Variants in THSD7A observed in about 807,000 individuals in gnomAD.
THSD7A encodes the protein thrombospondin type 1 domain containing 7A, also known as thrombospondin type-1 domain-containing protein 7A.
Under a neutral mutation model 231.3 loss-of-function variants are expected in THSD7A, and 96 were observed. The observed-to-expected ratio is 0.41, with a 90% CI of 0.35 to 0.49. THSD7A has a LOEUF of 0.49. Among genes scored for constraint, THSD7A ranks in the 20% least tolerant of loss-of-function variants. The probability of loss-of-function intolerance (pLI) is 0.05; values close to 1 mark genes in which losing one functional copy is unlikely to be tolerated. For missense variants in THSD7A, 2,290 were observed against 2,070.2 expected (o/e 1.11, Z -2.06); for synonymous variants, 940 against 743.3 (o/e 1.26, Z -4.30).
intron 6 of THSD7A, among the ~76,000 whole-genome samples, chr7:11,507,630 G>A (rs1400565640): frequency 1.4e-5 from 2 of 146,480 alleles, no homozygotes; most frequent in South Asian, 2.1e-4. Context: ...TTAACTGCTG[G>A]AGTTGTTACA....
intron 6 of THSD7A, among the ~76,000 whole-genome samples, chr7:11,532,686 TGTAA>T (rs1447157483): frequency 6.6e-6 from 1 of 152,050 alleles, no homozygotes; most frequent in Non-Finnish European, 1.5e-5. Flanking sequence ...AGATAGAAAA[TGTAA>T]GTATTTCAAG....
chr7:11,810,957 T>G (rs1289500706), intron 1 of THSD7A, among the ~76,000 whole-genome samples: 1 of 152,146 alleles, frequency 6.6e-6, no homozygotes, highest in Non-Finnish European at 1.5e-5. Flanking sequence ...CAACTAAAAT[T>G]TTTTCCCAGA....
chr7:11,691,309 C>T (rs1410196142), intron 1 of THSD7A, among the ~76,000 whole-genome samples: 1 of 151,292 alleles, frequency 6.6e-6, no homozygotes, highest in Non-Finnish European at 1.5e-5. Context: ...ATAGGTATTA[C>T]CATGCAAGTT....
At position 11,807,718 on chromosome 7, in the gene THSD7A, A is replaced by G. The variant is rs147255289; in HGVS notation, c.190+24039T>C. Among the ~76,000 whole-genome samples the G allele has an allele frequency of 1.3e-3, 199 of 152,282 alleles. 1 individual carries two copies. Among genetic ancestry groups the G allele is most frequent in the African/African-American group, 4.7e-3 (196 of 41,554 alleles). On this transcript the variant is annotated intron_variant, in intron 1 of 27. Coordinates refer to ENST00000423059, the MANE Select transcript of THSD7A (RefSeq NM_015204.3). ...CTTTTTATTTTTCATGAAAAGATTT[A>G]TAACACCTAAAGCTTAGCCTCATAT...
intron 4 of THSD7A, among the ~76,000 whole-genome samples, chr7:11,573,576 T>C (rs182194865): frequency 1.3e-5 from 2 of 152,218 alleles, no homozygotes; most frequent in Admixed American, 6.5e-5. Context: ...CTTTATATAA[T>C]TTGTTAAATT....
intron 1 of THSD7A, among the ~76,000 whole-genome samples, chr7:11,715,383 A>G (rs1562498183): frequency 6.6e-6 from 1 of 151,472 alleles, no homozygotes. Flanking sequence ...ATTCTAAAAT[A>G]TGCAGGAAAA....
intron 13 of THSD7A, among the ~76,000 whole-genome samples, chr7:11,439,381 C>G (rs1448075732): frequency 6.6e-6 from 1 of 151,942 alleles, no homozygotes; most frequent in African/African-American, 2.4e-5. Flanking sequence ...TTTCCAACAG[C>G]ATGTGTTCAC....
chr7:11,645,572 T>C (rs1333233883), intron 1 of THSD7A, among the ~76,000 whole-genome samples: 1 of 151,856 alleles, frequency 6.6e-6, no homozygotes, highest in Non-Finnish European at 1.5e-5. Flanking sequence ...CTATTTTTTC[T>C]ACACAGTTAG....
chr7:11,431,857 G>A (rs1369139364), intron 13 of THSD7A, among the ~76,000 whole-genome samples: 9 of 151,960 alleles, frequency 5.9e-5, no homozygotes, highest in African/African-American at 2.2e-4. Context: ...ATGATGTTTT[G>A]TAGTTTTCAG....
chr7:11,591,866 T>A (rs1780178290), intron 3 of THSD7A, among the ~76,000 whole-genome samples: 1 of 152,166 alleles, frequency 6.6e-6, no homozygotes, highest in South Asian at 2.1e-4. Flanking sequence ...AAGTTCTGAT[T>A]TAGGTCACGC....
intron 4 of THSD7A, among the ~76,000 whole-genome samples, chr7:11,558,460 C>T (rs1176401533): frequency 6.6e-6 from 1 of 152,160 alleles, no homozygotes; most frequent in African/African-American, 2.4e-5. Flanking sequence ...TCTGGCCTCT[C>T]TCCTGGTGAA....
intron 6 of THSD7A, among the ~76,000 whole-genome samples, chr7:11,511,420 T>C: frequency 6.6e-6 from 1 of 152,172 alleles, no homozygotes; most frequent in East Asian, 1.9e-4. Flanking sequence ...CTTCACAGAA[T>C]TGGGAAAAAC....
At chr7:11,584,102 C>T (rs1422717998) in intron 4 of THSD7A, among the ~76,000 whole-genome samples, 12 of 152,142 alleles carry the variant, frequency 7.9e-5, no homozygotes, top group Admixed American at 7.9e-4. Context: ...TGGCTTCACT[C>T]CTCCTAGGTT....
intron 1 of THSD7A, among the ~76,000 whole-genome samples, chr7:11,737,492 A>G (rs1157992282): frequency 1.3e-5 from 2 of 151,992 alleles, no homozygotes; most frequent in Non-Finnish European, 2.9e-5. Context: ...TAAATTTACT[A>G]CACTCACGCA....
chr7:11,771,256 T>C (rs1442135532), intron 1 of THSD7A, among the ~76,000 whole-genome samples: 1 of 151,532 alleles, frequency 6.6e-6, no homozygotes, highest in Non-Finnish European at 1.5e-5. Context: ...GAATACTAAC[T>C]ATCATGTAGG....
chr7:11,680,279 A>G (rs1358810987), intron 1 of THSD7A, among the ~76,000 whole-genome samples: 4 of 152,228 alleles, frequency 2.6e-5, no homozygotes, highest in African/African-American at 9.6e-5. Context: ...ACCATTCAGT[A>G]CATAGGCATG....
chr7:11,764,414 T>C (rs1246704418), intron 1 of THSD7A, among the ~76,000 whole-genome samples: 1 of 151,966 alleles, frequency 6.6e-6, no homozygotes, highest in Non-Finnish European at 1.5e-5. Flanking sequence ...ACCCCGTCTC[T>C]ACCAAAAATA....
intron 1 of THSD7A, among the ~76,000 whole-genome samples, chr7:11,736,492 A>G (rs1285921264): frequency 6.6e-6 from 1 of 150,952 alleles, no homozygotes; most frequent in Admixed American, 6.6e-5. Context: ...TGTAAAATAA[A>G]TAATATTTTC....
intron 2 of THSD7A, among the ~76,000 whole-genome samples, chr7:11,601,578 T>G (rs1780555597): frequency 6.6e-6 from 1 of 152,174 alleles, no homozygotes; most frequent in African/African-American, 2.4e-5. Context: ...CTCCTGGACC[T>G]ACCTGATATG....
Sources: gnomAD v4.1 joint callset for allele counts (sites outside exome capture counted in the v4.1 genomes callset) on GRCh38, gnomAD v4.1.1 for gene constraint, MANE v1.5 for transcripts, NCBI Gene and HGNC (gene_info 2026-07-23, HGNC 2026-07-21) for gene names.